The following PCCA variants were observed in gnomAD, a reference collection of about 807,000 sequenced individuals.
The protein encoded by PCCA is propionyl-CoA carboxylase subunit alpha.
PCCA carries 74 observed loss-of-function variants against 101.3 expected under a neutral mutation model. The ratio of observed to expected loss-of-function variants is 0.73; its 90% CI spans 0.61 to 0.89. The LOEUF is 0.89. Among genes scored for constraint, PCCA ranks in the 40% least tolerant of loss-of-function variants. The pLI is 0.00. For missense variants in PCCA, 891 were observed against 907.0 expected, an observed-to-expected ratio of 0.98 and a Z score of 0.23; for synonymous variants, 294 against 313.6, an observed-to-expected ratio of 0.94 and a Z score of 0.66.
chr13:100,341,407 T>TC (rs892568191), intron 18 of PCCA, among the ~76,000 whole-genome samples: 2 of 152,054 alleles, frequency 1.3e-5, no homozygotes, highest in Admixed American at 1.3e-4. Flanking sequence ...TTTGGTTGTT[T>TC]CCCCCCCACA....
At chr13:100,470,649 C>T (rs1463679272) in intron 21 of PCCA, among the ~76,000 whole-genome samples, 4 of 151,714 alleles carry the variant, frequency 2.6e-5, no homozygotes, top group Non-Finnish European at 5.9e-5. Context: ...TCACTTGTCT[C>T]TGCAAAAAAA....
chr13:100,254,086 A>C (rs1476604791), intron 8 of PCCA, among the ~76,000 whole-genome samples: 1 of 152,098 alleles, frequency 6.6e-6, no homozygotes, highest in African/African-American at 2.4e-5. Flanking sequence ...GAGCAAAGTC[A>C]TGTCTTAACA....
intron 4 of PCCA, among the ~76,000 whole-genome samples, chr13:100,142,568 G>A (rs2052014959): frequency 6.6e-6 from 1 of 151,592 alleles, no homozygotes; most frequent in Admixed American, 6.6e-5. Flanking sequence ...CCGCCTCCTG[G>A]GTTCAAGTGA....
intron 7 of PCCA, among the ~76,000 whole-genome samples, chr13:100,211,662 C>G (rs2059219245): frequency 6.6e-6 from 1 of 152,122 alleles, no homozygotes. Flanking sequence ...GACATTTCCT[C>G]TTTTTATTGT....
Position 100,221,569 on chromosome 13 carries a change from C to T in PCCA, c.600+12106C>T, listed in dbSNP as rs575269408. ...AAATCTCATCTTTTCAGTTTTTTTC[C>T]TTGTATGCATTAGATGATTTGTAAC... is the stretch of plus-strand genomic sequence containing the variant. On this transcript the variant is annotated intron_variant, in intron 7 of 23. Coordinates refer to ENST00000376285, the MANE Select transcript of PCCA (RefSeq NM_000282.4). Among the ~76,000 whole-genome samples the T allele has an allele frequency of 2.6e-5, 4 of 152,132 alleles. No individual in the cohort carries two copies. The East Asian group carries it at 7.7e-4, about 29-fold the overall frequency.
At chr13:100,225,519 T>C (rs1015402076) in intron 7 of PCCA, among the ~76,000 whole-genome samples, 37 of 152,196 alleles carry the variant, frequency 2.4e-4, no homozygotes, top group African/African-American at 8.7e-4. Context: ...GTACTCTTGC[T>C]TTAGCAGAAG....
chr13:100,143,960 C>T (rs72658507), intron 4 of PCCA, among the ~76,000 whole-genome samples: 21,331 of 151,338 alleles, frequency 0.14, 1,619 homozygotes, highest in Non-Finnish European at 0.18. Context: ...GAGATGGGGC[C>T]TCTGTGTTGC....
At chr13:100,400,752 A>G (rs1476367000) in intron 19 of PCCA, among the ~76,000 whole-genome samples, 1 of 150,730 alleles carries the variant, frequency 6.6e-6, no homozygotes, top group East Asian at 2.0e-4. Flanking sequence ...CAGCCCCCTG[A>G]GTAGCTGGGA....
chr13:100,316,800 G>A (rs1422844808), intron 16 of PCCA, among the ~76,000 whole-genome samples: 1 of 151,186 alleles, frequency 6.6e-6, no homozygotes, highest in Non-Finnish European at 1.5e-5. Context: ...TGGAGATGGA[G>A]TCTCACTCTG....
intron 21 of PCCA, among the ~76,000 whole-genome samples, chr13:100,504,820 C>A (rs746383245): frequency 2.0e-5 from 3 of 152,248 alleles, no homozygotes; most frequent in Non-Finnish European, 2.9e-5. Context: ...GTAGTCCCAA[C>A]TACTCGGGAG....
intron 2 of PCCA, among the ~76,000 whole-genome samples, chr13:100,109,754 A>T (rs2048132078): frequency 6.6e-6 from 1 of 152,150 alleles, no homozygotes; most frequent in Non-Finnish European, 1.5e-5. Context: ...TGGAGGAGTT[A>T]AGACATATAT....
intron 8 of PCCA, chr13:100,237,326 T>G (rs1329094191): frequency 6.6e-6 from 1 of 152,266 alleles, no homozygotes; most frequent in Admixed American, 6.5e-5. Context: ...TTTGCAAAAA[T>G]CTATCTTATT....
At chr13:100,491,178 G>A (rs1463418144) in intron 21 of PCCA, 2 of 153,972 alleles carry the variant, frequency 1.3e-5, no homozygotes, top group Non-Finnish European at 2.9e-5. Flanking sequence ...GACTGTACGA[G>A]GATTTTTCAA....
chr13:100,442,775 A>C (rs2080475020), intron 20 of PCCA, among the ~76,000 whole-genome samples: 1 of 152,234 alleles, frequency 6.6e-6, no homozygotes, highest in Non-Finnish European at 1.5e-5. Flanking sequence ...TTTAGCAAGG[A>C]TGGCTAGGAA....
chr13:100,510,427 G>T (rs2086393362), intron 21 of PCCA, among the ~76,000 whole-genome samples: 1 of 152,226 alleles, frequency 6.6e-6, no homozygotes. Flanking sequence ...GCCTGGAATT[G>T]AAATAAGTGT....
chr13:100,392,834 A>G (rs2076867072), intron 19 of PCCA, among the ~76,000 whole-genome samples: 1 of 152,206 alleles, frequency 6.6e-6, no homozygotes, highest in African/African-American at 2.4e-5. Flanking sequence ...CAAAACTTAC[A>G]GGAATTTGGC....
At chr13:100,499,425 CTT>C (rs1202361127) in intron 21 of PCCA, among the ~76,000 whole-genome samples, 2 of 152,304 alleles carry the variant, frequency 1.3e-5, no homozygotes, top group South Asian at 2.1e-4. Context: ...GACAGAGAAA[CTT>C]TTGCAATTAT....
chr13:100,381,253 G>A (rs2076207809), intron 19 of PCCA, among the ~76,000 whole-genome samples: 1 of 152,160 alleles, frequency 6.6e-6, no homozygotes, highest in Admixed American at 6.6e-5. Context: ...CTGGGGCATG[G>A]TGATGGGCGC....
At chr13:100,200,683 AAT>A (rs2058426213) in intron 6 of PCCA, among the ~76,000 whole-genome samples, 2 of 150,666 alleles carry the variant, frequency 1.3e-5, no homozygotes, top group Admixed American at 6.6e-5. Flanking sequence ...TTACTATATA[AAT>A]ATGTTTAAAT....
Sources: gnomAD v4.1 joint callset for allele counts (sites outside exome capture counted in the v4.1 genomes callset) on GRCh38, gnomAD v4.1.1 for gene constraint, MANE v1.5 for transcripts, NCBI Gene and HGNC (gene_info 2026-07-23, HGNC 2026-07-21) for gene names.